Variants in SLC35D1 observed in about 807,000 individuals in gnomAD.
SLC35D1 encodes the protein solute carrier family 35 member D1.
SLC35D1 carries 31 observed loss-of-function variants against 46.7 expected under a neutral mutation model. That is an observed-to-expected ratio of 0.66 (90% CI 0.50 to 0.90). SLC35D1 has a LOEUF of 0.90. Among genes scored for constraint, SLC35D1 ranks in the 40% least tolerant of loss-of-function variants. SLC35D1 has a pLI of 0.00. For missense variants in SLC35D1, 397 were observed against 426.2 expected (o/e 0.93, Z 0.60); for synonymous variants, 195 against 164.6 (o/e 1.18, Z -1.41).
chr1:67,033,451 G>A (rs1033170463), intron 8 of SLC35D1, among the ~76,000 whole-genome samples: 3 of 152,042 alleles, frequency 2.0e-5, no homozygotes, highest in African/African-American at 7.2e-5. Context: ...TCTCATTGTA[G>A]TTTTGGTTTG....
intron 10 of SLC35D1, among the ~76,000 whole-genome samples, chr1:67,012,314 T>C (rs893146908): frequency 1.3e-5 from 2 of 152,174 alleles, no homozygotes; most frequent in Non-Finnish European, 2.9e-5. Context: ...TCTATGATAA[T>C]TAGAATCTTT....
At chr1:66,985,837 T>TA in the SLC35D1 span, 12 of 630,282 alleles carry the variant, frequency 1.9e-5, no homozygotes, top group Non-Finnish European at 2.3e-5. Flanking sequence ...TTTTTTTTTT[T>TA]AAATTTCTAC....
At chr1:67,045,718 C>T (rs1645245146) in intron 7 of SLC35D1, among the ~76,000 whole-genome samples, 1 of 152,100 alleles carries the variant, frequency 6.6e-6, no homozygotes. Flanking sequence ...CCACATGTAG[C>T]TATTTCAATT....
At chr1:67,010,100 C>A (rs969455088) in intron 10 of SLC35D1, among the ~76,000 whole-genome samples, 1 of 152,102 alleles carries the variant, frequency 6.6e-6, no homozygotes, top group African/African-American at 2.4e-5. Context: ...AACCAAACAC[C>A]ACCTGCTCTC....
intron 8 of SLC35D1, among the ~76,000 whole-genome samples, chr1:67,028,104 ATTAT>A (rs1667949852): frequency 6.6e-6 from 1 of 151,470 alleles, no homozygotes; most frequent in Admixed American, 6.6e-5. Context: ...TTGTCTATGA[ATTAT>A]TTAGAGGTGT....
downstream of SLC35D1, among the ~76,000 whole-genome samples, chr1:66,995,984 T>C (rs12044492): frequency 0.22 from 33,207 of 152,196 alleles, 3,987 homozygotes; most frequent in Non-Finnish European, 0.26. Context: ...ATATGAAATA[T>C]ATTCTTCAGA....
intron 10 of SLC35D1, among the ~76,000 whole-genome samples, chr1:67,011,570 C>A (rs989365035): frequency 6.6e-6 from 1 of 152,202 alleles, no homozygotes; most frequent in South Asian, 2.1e-4. Flanking sequence ...GCAATCCCTG[C>A]CTCCTAGGCT....
chr1:66,979,100 T>A, the SLC35D1 span, among the ~76,000 whole-genome samples: 1 of 152,104 alleles, frequency 6.6e-6, no homozygotes, highest in East Asian at 1.9e-4. Flanking sequence ...CTGGGTTGTT[T>A]TTTTTTTATA....
At chr1:67,015,889 C>T (rs962397544) in intron 10 of SLC35D1, among the ~76,000 whole-genome samples, 22 of 152,188 alleles carry the variant, frequency 1.4e-4, no homozygotes, top group African/African-American at 4.3e-4. Context: ...TAAATTATCA[C>T]GTTGACTAAT....
At position 67,003,396 on chromosome 1, in the gene SLC35D1, A is replaced by G. The variant is rs1224348354; in HGVS notation, c.*944T>C. ...CTCACATTGCAGCATTTGGATTCAC[A>G]CTATTGCCGGGTAGGTAGGGCAGGT... On this transcript the variant is annotated 3_prime_UTR_variant, in exon 12 of 12. Coordinates refer to ENST00000235345, the MANE Select transcript of SLC35D1 (RefSeq NM_015139.3). The G allele has an allele frequency of 6.6e-6, 1 of 152,280 alleles. No homozygotes were observed. The highest frequency in any genetic ancestry group is 2.4e-5 in the African/African-American group (1 of 41,432). 9.4% of individuals were successfully genotyped at this position (152,280 alleles called of 1,614,324 possible).
At chr1:66,986,737 A>G in the SLC35D1 span, 2 of 335,108 alleles carry the variant, frequency 6.0e-6, no homozygotes, top group Non-Finnish European at 1.1e-5. Flanking sequence ...GGAAGTGTTG[A>G]GAAGTATGAG....
At chr1:67,033,940 T>G (rs566737873) in intron 8 of SLC35D1, among the ~76,000 whole-genome samples, 1 of 152,220 alleles carries the variant, frequency 6.6e-6, no homozygotes, top group East Asian at 1.9e-4. Context: ...CTGAAGAGAC[T>G]GTCCCTTCCC....
intron 8 of SLC35D1, among the ~76,000 whole-genome samples, chr1:67,028,995 G>A (rs1041180186): frequency 1.3e-5 from 2 of 152,092 alleles, no homozygotes; most frequent in African/African-American, 2.4e-5. Context: ...TTTGATAAAT[G>A]TTTGATTTTC....
At chr1:67,042,801 C>G (rs1351804147) in intron 7 of SLC35D1, among the ~76,000 whole-genome samples, 1 of 152,204 alleles carries the variant, frequency 6.6e-6, no homozygotes, top group Non-Finnish European at 1.5e-5. Flanking sequence ...CGGTGGCTCA[C>G]ACCTGTAAAC....
the SLC35D1 span, chr1:66,976,751 A>G: frequency 1.3e-6 from 2 of 1,509,540 alleles, no homozygotes; most frequent in Non-Finnish European, 8.9e-7. Flanking sequence ...TAAGAGCTAT[A>G]TATACATTTT....
At chr1:67,048,752 C>A (rs1645276644) in intron 6 of SLC35D1, among the ~76,000 whole-genome samples, 1 of 152,116 alleles carries the variant, frequency 6.6e-6, no homozygotes, top group Admixed American at 6.5e-5. Flanking sequence ...CTTCTAGCAT[C>A]ATTATAATTT....
intron 8 of SLC35D1, among the ~76,000 whole-genome samples, chr1:67,026,518 T>C (rs952303168): frequency 3.3e-5 from 5 of 152,194 alleles, no homozygotes; most frequent in Admixed American, 6.6e-5. Flanking sequence ...GAAGAATTTA[T>C]GTAGAATTAT....
At chr1:67,045,830 T>C (rs2102357258) in intron 7 of SLC35D1, among the ~76,000 whole-genome samples, 1 of 152,308 alleles carries the variant, frequency 6.6e-6, no homozygotes, top group South Asian at 2.1e-4. Flanking sequence ...AGCAGAAATA[T>C]AAATTTCCAA....
intron 4 of SLC35D1, 58 bp downstream of exon 4, chr1:67,051,954 A>G: frequency 1.7e-6 from 2 of 1,168,684 alleles, no homozygotes; most frequent in African/African-American, 3.0e-5. Flanking sequence ...TTGACATTCA[A>G]GTACAATTTT....
Sources: gnomAD v4.1 joint callset for allele counts (sites outside exome capture counted in the v4.1 genomes callset) on GRCh38, gnomAD v4.1.1 for gene constraint, MANE v1.5 for transcripts, NCBI Gene and HGNC (gene_info 2026-07-23, HGNC 2026-07-21) for gene names.